The following FGD6 variants were observed in gnomAD, a reference collection of about 807,000 sequenced individuals.
FGD6 encodes the protein FYVE, RhoGEF and PH domain containing 6, also known as FYVE, RhoGEF and PH domain-containing protein 6.
In FGD6, 90 loss-of-function variants were observed where a neutral mutation model predicts 149.4. That is an observed-to-expected ratio of 0.60 (90% CI 0.51 to 0.72). FGD6 has a LOEUF of 0.72. Ranked by LOEUF, FGD6 falls within the 30% of genes least tolerant of loss-of-function variation. FGD6 has a pLI of 0.00. For synonymous variants in FGD6, 527 were observed against 584.0 expected (o/e 0.90, Z 1.41); for missense variants, 1,437 against 1,684.8 (o/e 0.85, Z 2.57).
chr12:95,150,065 T>C (rs1172223689), intron 5 of FGD6, among the ~76,000 whole-genome samples: 1 of 149,626 alleles, frequency 6.7e-6, no homozygotes, highest in Non-Finnish European at 1.5e-5. Flanking sequence ...TTCGCTCTTG[T>C]TGCCCAGGCT....
intron 2 of FGD6, among the ~76,000 whole-genome samples, chr12:95,186,077 TATA>T (rs368282422): frequency 7.1e-4 from 108 of 152,176 alleles, no homozygotes; most frequent in African/African-American, 2.5e-3. Flanking sequence ...CAAAATGTAG[TATA>T]ATACCTTTCT....
chr12:95,211,238 G>T lies in FGD6; in HGVS notation c.46C>A (p.Pro16Thr). The T allele has an allele frequency of 6.3e-7, 1 of 1,594,064 alleles. No individual in the cohort carries two copies. ...EIKKPPVAPK[P>T]KFVVANNKPA... ...TTATTATTTGCCACAACAAACTTGG[G>T]CTTGGGGGCCACTGGTGGCTTCTTT... Residue 16 changes from proline (P) to threonine (T), a missense_variant, in exon 2 of 21, where the codon CCC becomes ACC. By Grantham distance (38) the Pro-to-Thr change is conservative. Coordinates refer to ENST00000343958, the MANE Select transcript of FGD6 (RefSeq NM_018351.4).
At chr12:95,091,280 A>G (rs116493501) in intron 17 of FGD6, among the ~76,000 whole-genome samples, 285 of 152,324 alleles carry the variant, frequency 1.9e-3, no homozygotes, top group Middle Eastern at 6.8e-3. Context: ...GCACATTCAG[A>G]TGTACATTAA....
At chr12:95,147,666 C>A (rs907057511) in intron 5 of FGD6, among the ~76,000 whole-genome samples, 1 of 152,002 alleles carries the variant, frequency 6.6e-6, no homozygotes, top group Non-Finnish European at 1.5e-5. Context: ...TCAGACAGAC[C>A]AGACTTGAAA....
At chr12:95,159,613 A>G (rs1419549318) in intron 3 of FGD6, among the ~76,000 whole-genome samples, 1 of 152,206 alleles carries the variant, frequency 6.6e-6, no homozygotes, top group Non-Finnish European at 1.5e-5. Context: ...CAAGGCAGGC[A>G]GATTGCTTGA....
At chr12:95,112,338 A>T (rs1878854162) in intron 9 of FGD6, among the ~76,000 whole-genome samples, 1 of 151,326 alleles carries the variant, frequency 6.6e-6, no homozygotes, top group Non-Finnish European at 1.5e-5. Flanking sequence ...GGTGGCTCAC[A>T]TCTGTAATCC....
At position 95,137,564 on chromosome 12, in the gene FGD6, G is replaced by A; in HGVS notation, c.2952C>T (p.Cys984=). The A allele has an allele frequency of 6.2e-7, 1 of 1,606,764 alleles. No individual in the cohort carries two copies. The highest frequency in any genetic ancestry group is 8.5e-7 in the Non-Finnish European group (1 of 1,177,098). The change falls in exon 7 of 21, where the codon TGC becomes TGT. Residue 984 remains cysteine (C), a synonymous_variant. Transcript: ENST00000343958. ...CAGCAGCAAAACCTGGATTTTTCTTGCACTGTTCATCCAGCAAGGCTATAT... is the reference window on the plus strand; with the variant it reads ...CAGCAGCAAAACCTGGATTTTTCTTACACTGTTCATCCAGCAAGGCTATAT... ...DKNIALLDEQ[C]KKNPGFAAVV...
Position 95,169,851 on chromosome 12 carries a change from T to C in FGD6, c.2586+2749A>G, listed in dbSNP as rs185129764. On this transcript the variant is annotated intron_variant, in intron 3 of 20. Coordinates refer to ENST00000343958, the MANE Select transcript of FGD6 (RefSeq NM_018351.4). The stretch of plus-strand genomic sequence containing the variant: ...GAAGACAATTTGAGGCCAGGCGTGG[T>C]GGCTCACACCTGTAATCCCAGCACT... Among the ~76,000 whole-genome samples, 569 of 152,322 alleles carry C rather than the reference T, an allele frequency of 3.7e-3. 4 individuals carry two copies. The highest frequency in any genetic ancestry group is 0.013 in the African/African-American group (549 of 41,578).
At chr12:95,165,280 A>C (rs1180427839) in intron 3 of FGD6, among the ~76,000 whole-genome samples, 1 of 151,748 alleles carries the variant, frequency 6.6e-6, no homozygotes, top group Non-Finnish European at 1.5e-5. Context: ...CCTTTTCTTC[A>C]TGCAACATGA....
intron 2 of FGD6, among the ~76,000 whole-genome samples, chr12:95,179,891 C>T (rs1273995508): frequency 1.3e-5 from 2 of 152,078 alleles, no homozygotes; most frequent in South Asian, 4.2e-4. Flanking sequence ...CCAGCCTGAC[C>T]AACATGGAGA....
intron 8 of FGD6, among the ~76,000 whole-genome samples, chr12:95,126,754 A>C (rs1879358062): frequency 6.6e-6 from 1 of 151,530 alleles, no homozygotes; most frequent in Middle Eastern, 3.2e-3. Flanking sequence ...AAGAAAAAGA[A>C]AAAGAAAAAA....
intron 1 of FGD6, among the ~76,000 whole-genome samples, chr12:95,212,533 C>G (rs893466367): frequency 2.0e-5 from 3 of 152,218 alleles, no homozygotes; most frequent in African/African-American, 7.2e-5. Context: ...TCCACCTACA[C>G]TGTCATATTA....
At chr12:95,128,922 T>C (rs371871955) in intron 8 of FGD6, among the ~76,000 whole-genome samples, 2 of 152,256 alleles carry the variant, frequency 1.3e-5, no homozygotes, top group African/African-American at 4.8e-5. Flanking sequence ...TTCTGGGTTA[T>C]AAACTGGTCT....
At chr12:95,142,223 C>T (rs973288259) in intron 5 of FGD6, among the ~76,000 whole-genome samples, 3 of 151,262 alleles carry the variant, frequency 2.0e-5, no homozygotes, top group African/African-American at 7.3e-5. Flanking sequence ...CTCACTGCAA[C>T]CTCCGCCTCC....
At chr12:95,184,164 A>G (rs1057322220) in intron 2 of FGD6, among the ~76,000 whole-genome samples, 7 of 152,230 alleles carry the variant, frequency 4.6e-5, no homozygotes, top group African/African-American at 1.4e-4. Flanking sequence ...AAGGAAACCA[A>G]TAGCCAAAAC....
At chr12:95,162,077 AACATAGTG>A (rs1880658639) in intron 3 of FGD6, among the ~76,000 whole-genome samples, 1 of 149,880 alleles carries the variant, frequency 6.7e-6, no homozygotes, top group Admixed American at 6.7e-5. Flanking sequence ...CAGCAAGGAC[AACATAGTG>A]ACACCTGAAA....
chr12:95,171,932 C>T (rs1881000442), intron 3 of FGD6, among the ~76,000 whole-genome samples: 1 of 149,616 alleles, frequency 6.7e-6, no homozygotes, highest in South Asian at 2.1e-4. Flanking sequence ...TATTAACAGC[C>T]ATCTTTATTC....
chr12:95,087,442 G>C (rs911154884), intron 18 of FGD6, among the ~76,000 whole-genome samples: 2 of 152,100 alleles, frequency 1.3e-5, no homozygotes. Context: ...TGCTGGCTTT[G>C]AACAAAGTAG....
At chr12:95,201,022 CT>C (rs370984599) in intron 2 of FGD6, among the ~76,000 whole-genome samples, 2,564 of 143,224 alleles carry the variant, frequency 0.018, 23 homozygotes, top group Middle Eastern at 0.049. Flanking sequence ...GTCTAGTCTG[CT>C]TTTTTTTTTT....
Sources: allele counts gnomAD v4.1 joint callset (sites outside exome capture counted in the v4.1 genomes callset), GRCh38; gene constraint gnomAD v4.1.1; transcripts MANE v1.5; gene names NCBI Gene and HGNC (gene_info 2026-07-23, HGNC 2026-07-21).